SLC12A3: variants seen among roughly 807,000 people sequenced by gnomAD.
SLC12A3 encodes solute carrier family 12 member 3.
A neutral mutation model predicts 121.0 loss-of-function variants in SLC12A3; 104 were observed. The ratio of observed to expected loss-of-function variants is 0.86; its 90% CI spans 0.73 to 1.01. The LOEUF (loss-of-function observed/expected upper bound fraction) is 1.01. Among genes scored for constraint, SLC12A3 ranks in the 50% least tolerant of loss-of-function variants. SLC12A3 has a pLI of 0.00. For synonymous variants in SLC12A3, 536 were observed against 533.4 expected (o/e 1.00, Z -0.07); for missense variants, 1,328 against 1,356.3 (o/e 0.98, Z 0.33).
chr16:56,908,376 C>G (rs2055638085), intron 25 of SLC12A3, among the ~76,000 whole-genome samples: 1 of 151,934 alleles, frequency 6.6e-6, no homozygotes. Flanking sequence ...AACTCCTGAC[C>G]TCAGGTGATC....
chr16:56,901,398 G>A (rs1274290618), intron 23 of SLC12A3, among the ~76,000 whole-genome samples: 2 of 146,042 alleles, frequency 1.4e-5, no homozygotes, highest in Non-Finnish European at 3.0e-5. Flanking sequence ...GGAGTACAGT[G>A]GTACCATCTC....
chr16:56,901,347 C>CTTTTTTT (rs113592874), intron 23 of SLC12A3, among the ~76,000 whole-genome samples: 1 of 128,902 alleles, frequency 7.8e-6, no homozygotes, highest in African/African-American at 3.3e-5. Context: ...CTCTCTCTCT[C>CTTTTTTT]TTTTTTTTTT....
intron 2 of SLC12A3, 128 bp downstream of exon 2, chr16:56,867,344 A>C: frequency 2.2e-6 from 2 of 926,600 alleles, no homozygotes; most frequent in Non-Finnish European, 1.6e-6. Flanking sequence ...AATGAATTCA[A>C]TGAGTTAATA....
At chr16:56,878,862 A>T (rs1277849773) in intron 9 of SLC12A3, among the ~76,000 whole-genome samples, 3 of 152,214 alleles carry the variant, frequency 2.0e-5, no homozygotes, top group Non-Finnish European at 4.4e-5. Flanking sequence ...AATGGCAACG[A>T]CAACAAAAAT....
In SLC12A3 at chr16:56,872,714, C is replaced by G. The variant is rs2229209; in HGVS notation, c.1023C>G (p.Phe341Leu). Residue 341 changes from phenylalanine (F) to leucine (L), a missense_variant, in exon 8 of 26, where the codon TTC becomes TTG. Transcript: ENST00000563236. ...PDWRGPDGTF[F>L]GMFSIFFPSA... ...GGCGGGGTCCAGATGGCACCTTCTT[C>G]GGAATGTTCTCCATCTTCTTCCCCT... The G allele has an allele frequency of 2.5e-6, 4 of 1,614,224 alleles. No homozygotes were observed. The highest frequency in any genetic ancestry group is 3.4e-6 in the Non-Finnish European group (4 of 1,180,040).
intron 21 of SLC12A3, among the ~76,000 whole-genome samples, chr16:56,894,055 G>A (rs558077364): frequency 3.3e-5 from 5 of 150,918 alleles, no homozygotes; most frequent in African/African-American, 9.8e-5. Context: ...CCAGGCTGGA[G>A]TGCAATGGTG....
chr16:56,896,398 A>G (rs532642536), intron 22 of SLC12A3, among the ~76,000 whole-genome samples: 15 of 152,270 alleles, frequency 9.9e-5, no homozygotes, highest in African/African-American at 3.1e-4. Context: ...GTTTATCGAC[A>G]TGGGTTTTAT....
intron 24 of SLC12A3, 117 bp from the exon 25 acceptor site, chr16:56,904,278 A>G: frequency 1.0e-6 from 1 of 965,234 alleles, no homozygotes; most frequent in Non-Finnish European, 1.7e-6. Flanking sequence ...ATGAGGCAGC[A>G]GAGTCTACAA....
At chr16:56,911,790 G>A (rs183150020) in intron 25 of SLC12A3, among the ~76,000 whole-genome samples, 44 of 152,338 alleles carry the variant, frequency 2.9e-4, no homozygotes, top group African/African-American at 9.6e-4. Flanking sequence ...ACCTCGGTTC[G>A]AATTCCAGCT....
rs1028685823 is a variant in SLC12A3, at chr16:56,880,138, C to A, written c.1452C>A (p.Cys484Ter). Residue 484 changes from cysteine (C) to a stop codon, truncating the protein, a stop_gained, in exon 12 of 26, where the codon TGC (cysteine) becomes TGA (stop). Transcript: ENST00000563236. LOFTEE classifies it high-confidence loss of function. ...GGCATCTGGTGCTGCAGTGCCTTTG[C>A]GAGGACCAGCTGTACCCACTGATCG... ...VSAAKVFQCL[C>*]EDQLYPLIGF... is the part of the protein sequence containing the mutation. The A allele has an allele frequency of 6.2e-7, 1 of 1,605,918 alleles. No homozygotes were observed. Among genetic ancestry groups the A allele is most frequent in the Non-Finnish European group, 8.5e-7 (1 of 1,177,354 alleles).
intron 24 of SLC12A3, among the ~76,000 whole-genome samples, chr16:56,903,165 A>AT (rs2055562129): frequency 6.6e-6 from 1 of 151,058 alleles, no homozygotes; most frequent in Non-Finnish European, 1.5e-5. Flanking sequence ...AAAAAAAAAA[A>AT]TTGTCCTGTG....
intron 22 of SLC12A3, among the ~76,000 whole-genome samples, chr16:56,896,863 G>A (rs779742302): frequency 8.5e-5 from 13 of 152,280 alleles, no homozygotes; most frequent in Non-Finnish European, 1.5e-4. Flanking sequence ...AGACCAAGGT[G>A]GGTGAATCAG....
At chr16:56,904,639 C>A in intron 25 of SLC12A3, 177 bp downstream of exon 25, 1 of 632,800 alleles carries the variant, frequency 1.6e-6, no homozygotes, top group South Asian at 1.7e-5. Flanking sequence ...GGGCCTGAGC[C>A]CGCCCCACAC....
At chr16:56,902,671 A>T (rs1379596977) in intron 24 of SLC12A3, among the ~76,000 whole-genome samples, 163 bp downstream of exon 24, 10 of 152,144 alleles carry the variant, frequency 6.6e-5, no homozygotes, top group African/African-American at 2.4e-4. Context: ...GCTGATGGGT[A>T]ACCCGGCTGT....
At chr16:56,867,642 ATCT>A (rs1268130094) in intron 2 of SLC12A3, among the ~76,000 whole-genome samples, 1 of 152,120 alleles carries the variant, frequency 6.6e-6, no homozygotes, top group Non-Finnish European at 1.5e-5. Context: ...TGGGGTTCTG[ATCT>A]TAACGCTGCC....
At chr16:56,902,857 C>T (rs1357142212) in intron 24 of SLC12A3, among the ~76,000 whole-genome samples, 1 of 152,016 alleles carries the variant, frequency 6.6e-6, no homozygotes, top group African/African-American at 2.4e-5. Flanking sequence ...TATAATTAGT[C>T]CTGTTAGGCC....
chr16:56,887,835 G>T, intron 17 of SLC12A3, 90 bp from the exon 18 acceptor site: 1 of 630,392 alleles, frequency 1.6e-6, no homozygotes, highest in Non-Finnish European at 3.0e-6. Flanking sequence ...CAGCACATCT[G>T]GAGACATCAG....
In SLC12A3 at chr16:56,892,093, G is replaced by A; in HGVS notation, c.2379G>A (p.Val793=). 6.2e-7 allele frequency: 1 copy of A among 1,613,722 alleles called. No homozygotes were observed. Among genetic ancestry groups the A allele is most frequent in the African/African-American group, 1.3e-5 (1 of 75,038 alleles). Residue 793 remains valine (V), a synonymous_variant, in exon 20 of 26, where the codon GTG becomes GTA. Transcript: ENST00000563236. ...CCTCTTCTTTTGCAGTTAACCCCGTGTTTGACCCAGCGGAGGACGGGAAGG... is the reference window on the plus strand; with the variant it reads ...CCTCTTCTTTTGCAGTTAACCCCGTATTTGACCCAGCGGAGGACGGGAAGG... The part of the protein sequence containing the change: ...SKMMQAHINP[V]FDPAEDGKEA...
At chr16:56,904,871 G>A (rs930235739) in intron 25 of SLC12A3, 11 of 333,040 alleles carry the variant, frequency 3.3e-5, no homozygotes, top group African/African-American at 2.2e-4. Context: ...TTCCAAGCCT[G>A]AGCAACAGAA....
Sources: allele counts gnomAD v4.1 joint callset (sites outside exome capture counted in the v4.1 genomes callset), GRCh38; gene constraint gnomAD v4.1.1; transcripts MANE v1.5; gene names NCBI Gene and HGNC (gene_info 2026-07-23, HGNC 2026-07-21).